TPD52L1: variants seen among roughly 807,000 people sequenced by gnomAD.
The protein encoded by TPD52L1 is tumor protein D53.
In TPD52L1, 18 loss-of-function variants were observed where a neutral mutation model predicts 28.7. That is an observed-to-expected ratio of 0.63 (90% CI 0.43 to 0.93). TPD52L1 has a LOEUF of 0.93. Among genes scored for constraint, TPD52L1 ranks in the 40% least tolerant of loss-of-function variants. The probability of loss-of-function intolerance (pLI) is 0.00; values close to 1 mark genes in which losing one functional copy is unlikely to be tolerated. For synonymous variants in TPD52L1, 75 were observed against 88.8 expected, an observed-to-expected ratio of 0.84 and a Z score of 0.88; for missense variants, 203 against 254.8, an observed-to-expected ratio of 0.80 and a Z score of 1.39.
At chr6:125,169,871 A>G (rs1791167331) in intron 1 of TPD52L1, among the ~76,000 whole-genome samples, 1 of 152,144 alleles carries the variant, frequency 6.6e-6, no homozygotes, top group South Asian at 2.1e-4. Flanking sequence ...AAGACCTTAC[A>G]GTGGCCTTTC....
intron 1 of TPD52L1, among the ~76,000 whole-genome samples, chr6:125,207,642 C>T (rs752702107): frequency 6.6e-6 from 1 of 152,216 alleles, no homozygotes; most frequent in Non-Finnish European, 1.5e-5. Flanking sequence ...ATTCCCTGAG[C>T]TCAAGTTTCT....
chr6:125,176,550 T>C (rs187424771), intron 1 of TPD52L1, among the ~76,000 whole-genome samples: 1 of 152,330 alleles, frequency 6.6e-6, no homozygotes, highest in East Asian at 1.9e-4. Context: ...AGATGGAATC[T>C]GTAAAATGAA....
At chr6:125,186,224 C>CT (rs1170319938) in intron 1 of TPD52L1, among the ~76,000 whole-genome samples, 1 of 152,170 alleles carries the variant, frequency 6.6e-6, no homozygotes, top group Non-Finnish European at 1.5e-5. Context: ...GATCTGCAAA[C>CT]TTTCTCCGTA....
chr6:125,211,616 T>A (rs1036124389), intron 1 of TPD52L1, among the ~76,000 whole-genome samples: 1 of 152,162 alleles, frequency 6.6e-6, no homozygotes, highest in African/African-American at 2.4e-5. Context: ...AAGTAGGTGA[T>A]CCCCAGCCCC....
intron 1 of TPD52L1, among the ~76,000 whole-genome samples, chr6:125,174,080 G>A (rs746419409): frequency 3.3e-5 from 5 of 152,144 alleles, no homozygotes; most frequent in Non-Finnish European, 7.3e-5. Flanking sequence ...GGAAATGGGG[G>A]GCCCTCGATG....
chr6:125,175,522 G>T (rs1562221616), intron 1 of TPD52L1, among the ~76,000 whole-genome samples: 1 of 152,090 alleles, frequency 6.6e-6, no homozygotes, highest in African/African-American at 2.4e-5. Flanking sequence ...ATAGAATCTA[G>T]GGTAGAACTA....
At position 125,239,807 on chromosome 6, in the gene TPD52L1, T is replaced by C. The variant is rs145434343; in HGVS notation, c.285-8475T>C. On this transcript the variant is annotated intron_variant, in intron 3 of 6. Transcript: ENST00000534000. ...GGTTTGTCTGTTTGCTGATTATTTC[T>C]TCTGCTGTGCAGAAGCTTTTTAGTT... Among the ~76,000 whole-genome samples, 33 of 152,330 alleles carry C rather than the reference T, an allele frequency of 2.2e-4. No homozygotes were observed. The East Asian group carries it at 6.4e-3, about 29-fold the overall frequency.
chr6:125,172,252 C>G (rs1791454891), intron 1 of TPD52L1, among the ~76,000 whole-genome samples: 1 of 134,342 alleles, frequency 7.4e-6, no homozygotes, highest in South Asian at 2.4e-4. Context: ...TTCTTCCTTT[C>G]TTTTCCTTCC....
intron 1 of TPD52L1, among the ~76,000 whole-genome samples, chr6:125,168,949 A>G (rs545471907): frequency 1.1e-4 from 17 of 152,170 alleles, no homozygotes; most frequent in Non-Finnish European, 2.1e-4. Context: ...TTGGAAAAAG[A>G]GAAAGTCAGC....
intron 1 of TPD52L1, among the ~76,000 whole-genome samples, chr6:125,180,030 A>G (rs1480071141): frequency 2.6e-5 from 4 of 152,170 alleles, no homozygotes; most frequent in African/African-American, 4.8e-5. Flanking sequence ...ACCTGTATCC[A>G]TCACTGGACG....
intron 1 of TPD52L1, among the ~76,000 whole-genome samples, chr6:125,172,152 C>CT (rs1417126469): frequency 6.5e-3 from 334 of 51,010 alleles, no homozygotes; most frequent in Admixed American, 9.8e-3. Flanking sequence ...TTCTTTCTTT[C>CT]TTTCTTTTCT....
At chr6:125,188,535 G>A (rs1286763693) in intron 1 of TPD52L1, among the ~76,000 whole-genome samples, 2 of 152,166 alleles carry the variant, frequency 1.3e-5, no homozygotes, top group African/African-American at 2.4e-5. Context: ...ATCACATTGA[G>A]TTGTGTTGGT....
chr6:125,174,077 G>A (rs79933116), intron 1 of TPD52L1, among the ~76,000 whole-genome samples: 6,365 of 152,254 alleles, frequency 0.042, 181 homozygotes, highest in Non-Finnish European at 0.062. Flanking sequence ...GGTGGAAATG[G>A]GGGGCCCTCG....
chr6:125,263,310 T>C lies in TPD52L1; in HGVS notation c.*348T>C, dbSNP rs1798162432. ...GATTTTTGCTTGGCCTCCTTTATGA[T>C]GTGCATGTCCTTGAAGGCTGAATGA... On this transcript the variant is annotated 3_prime_UTR_variant, in exon 7 of 7. Transcript: ENST00000534000. The C allele has an allele frequency of 8.2e-6, 2 of 244,068 alleles. No homozygotes were observed. The highest frequency in any genetic ancestry group is 5.1e-5 in the Admixed American group (1 of 19,446). The allele number at this position is 244,068 out of a possible 1,614,324, so 15.1% of individuals were successfully genotyped here. A position where few individuals can be genotyped will look rare whatever the true frequency, so the allele number is the denominator to read the frequency against.
intron 1 of TPD52L1, among the ~76,000 whole-genome samples, chr6:125,215,802 T>C (rs1794824280): frequency 6.6e-6 from 1 of 152,232 alleles, no homozygotes; most frequent in Non-Finnish European, 1.5e-5. Context: ...TTTCTTTTCT[T>C]ACTAGAATAT....
In TPD52L1 at chr6:125,153,800, T is replaced by A; in HGVS notation, c.-152T>A. On this transcript the variant is annotated 5_prime_UTR_variant, in exon 1 of 7. Coordinates refer to ENST00000534000, the MANE Select transcript of TPD52L1 (RefSeq NM_003287.4). ...AAGCGGCTAGTGGCGGCTGCCTGCG[T>A]CCCCAACCCCCTCCGCGCAGCGCTC... 1 of 839,024 alleles carries A rather than the reference T, an allele frequency of 1.2e-6. No homozygotes were observed. The highest frequency in any genetic ancestry group is 1.7e-6 in the Non-Finnish European group (1 of 578,324). 52.0% of individuals were successfully genotyped at this position (839,024 alleles called of 1,614,324 possible). A position where few individuals can be genotyped will look rare whatever the true frequency, so the allele number is the denominator to read the frequency against.
chr6:125,192,395 T>A (rs971801895), intron 1 of TPD52L1, among the ~76,000 whole-genome samples: 2 of 151,976 alleles, frequency 1.3e-5, no homozygotes, highest in Non-Finnish European at 2.9e-5. Flanking sequence ...GAGCATAGTC[T>A]ATGCAGGGGA....
intron 1 of TPD52L1, among the ~76,000 whole-genome samples, chr6:125,175,934 G>T (rs1791795303): frequency 6.6e-6 from 1 of 152,202 alleles, no homozygotes; most frequent in African/African-American, 2.4e-5. Flanking sequence ...ATGCAGCTGA[G>T]CCATATGTTT....
At chr6:125,227,082 A>G (rs187982240) in intron 2 of TPD52L1, among the ~76,000 whole-genome samples, 133 of 152,312 alleles carry the variant, frequency 8.7e-4, no homozygotes, top group African/African-American at 2.9e-3. Flanking sequence ...TAGAATATGT[A>G]ATTCACTTTA....
Sources: allele counts gnomAD v4.1 joint callset (sites outside exome capture counted in the v4.1 genomes callset), GRCh38; gene constraint gnomAD v4.1.1; transcripts MANE v1.5; gene names NCBI Gene and HGNC (gene_info 2026-07-23, HGNC 2026-07-21).